MAGI2: variants seen among roughly 807,000 people sequenced by gnomAD.
The protein encoded by MAGI2 is membrane-associated guanylate kinase, WW and PDZ domain-containing protein 2.
Under a neutral mutation model 133.3 loss-of-function variants are expected in MAGI2, and 35 were observed. The ratio of observed to expected loss-of-function variants is 0.26; its 90% CI spans 0.20 to 0.35. The LOEUF is 0.35. MAGI2 is among the 10% of genes least tolerant of loss of function. The pLI, the probability that MAGI2 is intolerant of heterozygous loss-of-function variation, is 1.00. For synonymous variants in MAGI2, 729 were observed against 710.6 expected (o/e 1.03, Z -0.41); for missense variants, 1,636 against 1,863.4 (o/e 0.88, Z 2.25).
intron 2 of MAGI2, among the ~76,000 whole-genome samples, chr7:78,827,465 A>T (rs1288698983): frequency 6.6e-6 from 1 of 152,004 alleles, no homozygotes; most frequent in Non-Finnish European, 1.5e-5. Flanking sequence ...TTTTGTAGAA[A>T]CAGGGTCTTG....
At chr7:78,999,251 A>G (rs1160147556) in intron 2 of MAGI2, among the ~76,000 whole-genome samples, 1 of 152,150 alleles carries the variant, frequency 6.6e-6, no homozygotes, top group Non-Finnish European at 1.5e-5. Flanking sequence ...GGCAAAGGGA[A>G]TTTTATGTGG....
chr7:78,448,230 G>A (rs7796439), intron 6 of MAGI2, among the ~76,000 whole-genome samples: 140,759 of 152,086 alleles, frequency 0.93, 65,592 homozygotes, highest in Non-Finnish European at 0.98. Flanking sequence ...GAGTGCTGCA[G>A]CGAACATGGA....
At chr7:78,717,056 C>T (rs1464591734) in intron 2 of MAGI2, among the ~76,000 whole-genome samples, 1 of 152,068 alleles carries the variant, frequency 6.6e-6, no homozygotes, top group East Asian at 1.9e-4. Flanking sequence ...TATCAGCAGC[C>T]CAGCATACCA....
intron 16 of MAGI2, among the ~76,000 whole-genome samples, chr7:78,149,555 C>T (rs1249653268): frequency 6.6e-6 from 1 of 152,184 alleles, no homozygotes; most frequent in Non-Finnish European, 1.5e-5. Flanking sequence ...AAGAATGTGG[C>T]TATTTTTCAT....
At chr7:78,733,238 C>A (rs1403107599) in intron 2 of MAGI2, among the ~76,000 whole-genome samples, 1 of 152,142 alleles carries the variant, frequency 6.6e-6, no homozygotes, top group South Asian at 2.1e-4. Context: ...TTCTTACTAA[C>A]ATAAATAACT....
At chr7:78,610,384 G>A (rs1482383172) in intron 3 of MAGI2, among the ~76,000 whole-genome samples, 1 of 152,150 alleles carries the variant, frequency 6.6e-6, no homozygotes, top group African/African-American at 2.4e-5. Flanking sequence ...TCACTACATA[G>A]TATAGTGCTG....
At chr7:78,590,766 T>G (rs768089350) in intron 3 of MAGI2, among the ~76,000 whole-genome samples, 3 of 152,192 alleles carry the variant, frequency 2.0e-5, no homozygotes, top group Non-Finnish European at 2.9e-5. Flanking sequence ...GGGGAAAAAC[T>G]GTGGTGACTG....
At chr7:78,941,693 T>C (rs1800988740) in intron 2 of MAGI2, among the ~76,000 whole-genome samples, 1 of 149,790 alleles carries the variant, frequency 6.7e-6, no homozygotes, top group South Asian at 2.1e-4. Flanking sequence ...CATCCAGCCT[T>C]CCTTGTTTTA....
At chr7:78,634,412 T>A (rs535344453) in intron 2 of MAGI2, among the ~76,000 whole-genome samples, 2 of 152,160 alleles carry the variant, frequency 1.3e-5, no homozygotes, top group Non-Finnish European at 2.9e-5. Context: ...GCATTTTAGA[T>A]CTATGTGTCT....
intron 1 of MAGI2, among the ~76,000 whole-genome samples, chr7:79,172,502 T>C (rs977017094): frequency 6.6e-6 from 1 of 152,078 alleles, no homozygotes; most frequent in Non-Finnish European, 1.5e-5. Flanking sequence ...AATGCAGATT[T>C]AAAATTTAGT....
intron 7 of MAGI2, among the ~76,000 whole-genome samples, chr7:78,349,955 T>C (rs368198191): frequency 7.9e-5 from 12 of 152,348 alleles, no homozygotes; most frequent in African/African-American, 2.9e-4. Context: ...CTATTTCATC[T>C]AGCTTCCATA....
rs1305906045 is a variant in MAGI2, at chr7:78,319,570, T to C, written c.1408+24208A>G. On this transcript the variant is annotated intron_variant, in intron 9 of 21. Transcript: ENST00000354212. The stretch of plus-strand genomic sequence containing the variant: ...TAAAGGCAGAAATAAAGATGTTCTT[T>C]GAAACCAATGAGAACAAAGACACAA... Among the ~76,000 whole-genome samples, 4 of 152,320 alleles carry C rather than the reference T, an allele frequency of 2.6e-5. No individual in the cohort carries two copies. In the East Asian group the frequency reaches 7.7e-4, roughly 29 times the overall value.
At chr7:79,207,743 G>A (rs1419121755) in intron 1 of MAGI2, among the ~76,000 whole-genome samples, 1 of 151,936 alleles carries the variant, frequency 6.6e-6, no homozygotes, top group African/African-American at 2.4e-5. Context: ...GCAACTCTGA[G>A]CAGAAAGAAC....
chr7:78,079,117 A>T, intron 20 of MAGI2, 32 bp from the exon 21 acceptor site: 1 of 1,608,332 alleles, frequency 6.2e-7, no homozygotes, highest in Middle Eastern at 1.7e-4. Flanking sequence ...AGTCAGCCAA[A>T]GATGGTTTTA....
intron 1 of MAGI2, among the ~76,000 whole-genome samples, chr7:79,371,168 T>G (rs1194286754): frequency 6.6e-6 from 1 of 152,098 alleles, no homozygotes; most frequent in African/African-American, 2.4e-5. Flanking sequence ...TCCTCTACAT[T>G]TTTTTACTTA....
chr7:79,246,796 A>C (rs181488303), intron 1 of MAGI2, among the ~76,000 whole-genome samples: 7 of 152,338 alleles, frequency 4.6e-5, no homozygotes, highest in Non-Finnish European at 2.9e-5. Context: ...TTTAAGTACA[A>C]GAAAGTTATA....
At chr7:78,547,739 G>A (rs1323519358) in intron 3 of MAGI2, among the ~76,000 whole-genome samples, 1 of 152,206 alleles carries the variant, frequency 6.6e-6, no homozygotes, top group Non-Finnish European at 1.5e-5. Flanking sequence ...GGAGGAAACT[G>A]GAGTATCCAG....
At chr7:78,674,109 A>G (rs140625075) in intron 2 of MAGI2, among the ~76,000 whole-genome samples, 394 of 152,310 alleles carry the variant, frequency 2.6e-3, no homozygotes, top group African/African-American at 8.9e-3. Flanking sequence ...ATTTTTTGCT[A>G]TACAGTGTAC....
chr7:78,392,017 C>T (rs908748820), intron 6 of MAGI2, among the ~76,000 whole-genome samples: 1 of 152,162 alleles, frequency 6.6e-6, no homozygotes, highest in African/African-American at 2.4e-5. Flanking sequence ...GGCCAGACAT[C>T]GGCTCAGCTG....
Sources: allele counts gnomAD v4.1 joint callset (sites outside exome capture counted in the v4.1 genomes callset), GRCh38; gene constraint gnomAD v4.1.1; transcripts MANE v1.5; gene names NCBI Gene and HGNC (gene_info 2026-07-23, HGNC 2026-07-21).